The following GNAO1 variants were observed in gnomAD, a reference collection of about 807,000 sequenced individuals.
The protein encoded by GNAO1 is G protein subunit alpha o1, also known as guanine nucleotide-binding protein G(o) subunit alpha.
For missense variants in GNAO1, 166 were observed against 478.7 expected, an observed-to-expected ratio of 0.35 and a Z score of 6.10; for synonymous variants, 164 against 180.7, an observed-to-expected ratio of 0.91 and a Z score of 0.74.
intron 3 of GNAO1, among the ~76,000 whole-genome samples, chr16:56,286,467 A>T (rs2037169236): frequency 6.6e-6 from 1 of 152,018 alleles, no homozygotes; most frequent in Non-Finnish European, 1.5e-5. Context: ...AGCTCAGGGG[A>T]CGTCCCTGGC....
chr16:56,348,138 T>A, intron 6 of GNAO1: 1 of 970,266 alleles, frequency 1.0e-6, no homozygotes, highest in Non-Finnish European at 1.2e-6. Flanking sequence ...TGTAATAATT[T>A]ATTGGCTGCC....
chr16:56,195,473 C>G (rs1478826853), intron 2 of GNAO1, among the ~76,000 whole-genome samples: 1 of 152,220 alleles, frequency 6.6e-6, no homozygotes, highest in Non-Finnish European at 1.5e-5. Context: ...GAGATGGCCA[C>G]TTGACTGAGA....
chr16:56,198,152 T>C (rs1352379337), intron 2 of GNAO1, among the ~76,000 whole-genome samples: 2 of 152,214 alleles, frequency 1.3e-5, no homozygotes, highest in African/African-American at 4.8e-5. Flanking sequence ...AGTGTGCCTG[T>C]TTGTACATAC....
chr16:56,338,045 G>C (rs2037760088), intron 6 of GNAO1, among the ~76,000 whole-genome samples: 1 of 152,214 alleles, frequency 6.6e-6, no homozygotes, highest in Admixed American at 6.5e-5. Context: ...CTCTGGGTCT[G>C]TTTCCTCGTC....
chr16:56,289,778 C>T (rs1463460380), intron 3 of GNAO1, among the ~76,000 whole-genome samples: 3 of 152,090 alleles, frequency 2.0e-5, no homozygotes, highest in South Asian at 2.1e-4. Flanking sequence ...TTGGCCCACT[C>T]CTCAAACCCA....
chr16:56,342,545 C>A (rs2037815998), intron 6 of GNAO1, among the ~76,000 whole-genome samples: 1 of 152,258 alleles, frequency 6.6e-6, no homozygotes, highest in South Asian at 2.1e-4. Context: ...TACCTGAGAA[C>A]CAGCTCAGTG....
At chr16:56,194,173 C>T (rs897792756) in intron 2 of GNAO1, 3 of 456,496 alleles carry the variant, frequency 6.6e-6, no homozygotes, top group Non-Finnish European at 1.3e-5. Context: ...CTCCCTGGGG[C>T]TTTCTTCGCA....
intron 2 of GNAO1, chr16:56,235,233 C>T (rs2036626660): frequency 2.3e-6 from 1 of 441,760 alleles, no homozygotes; most frequent in South Asian, 1.6e-5. Context: ...GATTGCAGGA[C>T]TTCCCTCTGA....
At chr16:56,299,245 C>T (rs959731309) in intron 3 of GNAO1, among the ~76,000 whole-genome samples, 3 of 152,230 alleles carry the variant, frequency 2.0e-5, no homozygotes, top group East Asian at 1.9e-4. Flanking sequence ...AAGCCCTCAG[C>T]GCTGGGTTAG....
chr16:56,238,314 C>T (rs777254600), intron 2 of GNAO1, among the ~76,000 whole-genome samples: 10 of 152,202 alleles, frequency 6.6e-5, no homozygotes, highest in Non-Finnish European at 1.3e-4. Context: ...CAGAAAACTG[C>T]ATCCTTTCCT....
Position 56,351,625 on chromosome 16 carries a change from TG to T in GNAO1, c.877+92del, listed in dbSNP as rs2143699921. 1 of 1,028,826 alleles carries T rather than the reference TG, an allele frequency of 9.7e-7. No individual in the cohort carries two copies. The highest frequency in any genetic ancestry group is 2.4e-5 in the East Asian group (1 of 41,936). The allele number at this position is 1,028,826 out of a possible 1,614,324, so 63.7% of individuals were successfully genotyped here. A position where few individuals can be genotyped will look rare whatever the true frequency, so the allele number is the denominator to read the frequency against. On this transcript the variant is annotated intron_variant, in intron 7 of 8. Coordinates refer to ENST00000262493, the MANE Select transcript of GNAO1 (RefSeq NM_020988.3). The surrounding 1 kb of genome is among the most constrained non-coding windows in gnomAD (Gnocchi z 6.1). Reference sequence around the variant, plus strand: ...GAACAGGCTGCTCGGCCAGCACTGCTGGGGCTAGCTGGCGAGCGGGACCCAT... The same window carrying T: ...GAACAGGCTGCTCGGCCAGCACTGCTGGGCTAGCTGGCGAGCGGGACCCAT...
At chr16:56,278,045 G>A (rs376635001) in intron 3 of GNAO1, among the ~76,000 whole-genome samples, 6 of 152,006 alleles carry the variant, frequency 3.9e-5, no homozygotes, top group African/African-American at 9.7e-5. Flanking sequence ...CTTGGGAATC[G>A]CTAGGACTAT....
At chr16:56,337,999 G>A (rs1243029856) in intron 6 of GNAO1, among the ~76,000 whole-genome samples, 1 of 152,234 alleles carries the variant, frequency 6.6e-6, no homozygotes, top group Non-Finnish European at 1.5e-5. Context: ...GGTGGGGCTT[G>A]TTGTCATGCT....
intron 3 of GNAO1, among the ~76,000 whole-genome samples, chr16:56,305,146 AC>A (rs2037381403): frequency 6.6e-6 from 1 of 152,148 alleles, no homozygotes; most frequent in South Asian, 2.1e-4. Flanking sequence ...ACCCCGCCAG[AC>A]CTTGCAAGGA....
chr16:56,263,974 A>G (rs539202180), intron 2 of GNAO1, among the ~76,000 whole-genome samples: 15 of 152,330 alleles, frequency 9.8e-5, no homozygotes, highest in African/African-American at 3.4e-4. Context: ...TGCCACAGTC[A>G]GTGGCAGTAT....
intron 2 of GNAO1, among the ~76,000 whole-genome samples, chr16:56,266,393 C>G (rs1431977576): frequency 6.6e-6 from 1 of 152,226 alleles, no homozygotes; most frequent in Non-Finnish European, 1.5e-5. Context: ...GGCCTCTACA[C>G]TCTTGGAATT....
chr16:56,275,713 G>A (rs1309278261), intron 2 of GNAO1, among the ~76,000 whole-genome samples: 1 of 152,174 alleles, frequency 6.6e-6, no homozygotes, highest in Non-Finnish European at 1.5e-5. Context: ...ATTATGTAGG[G>A]AATGTGAAAA....
chr16:56,217,471 TA>T (rs2036446236), intron 2 of GNAO1, among the ~76,000 whole-genome samples: 1 of 152,220 alleles, frequency 6.6e-6, no homozygotes, highest in Non-Finnish European at 1.5e-5. Flanking sequence ...AAAACTGACA[TA>T]GTGGATTCTT....
intron 3 of GNAO1, among the ~76,000 whole-genome samples, chr16:56,279,844 A>G (rs1253311410): frequency 2.6e-5 from 4 of 152,168 alleles, no homozygotes; most frequent in East Asian, 1.9e-4. Context: ...TGGCCCACCA[A>G]TGGAGTCCAG....
Sources: gnomAD v4.1 joint callset for allele counts (sites outside exome capture counted in the v4.1 genomes callset) on GRCh38, gnomAD v4.1.1 for gene constraint, Gnocchi (gnomAD v3.1) non-coding constraint, MANE v1.5 for transcripts, NCBI Gene and HGNC (gene_info 2026-07-23, HGNC 2026-07-21) for gene names.